Variants in MSRB3 observed in about 807,000 individuals in gnomAD.
MSRB3 encodes methionine sulfoxide reductase B3, also known as methionine-R-sulfoxide reductase B3.
Under a neutral mutation model 21.0 loss-of-function variants are expected in MSRB3, and 13 were observed. That is an observed-to-expected ratio of 0.62 (90% confidence interval 0.40 to 0.98). The LOEUF (loss-of-function observed/expected upper bound fraction) is 0.98. MSRB3 is among the 50% of genes least tolerant of loss of function. MSRB3 has a pLI of 0.00. For missense variants in MSRB3, 199 were observed against 230.3 expected (o/e 0.86, Z 0.88); for synonymous variants, 87 against 88.6 (o/e 0.98, Z 0.10).
At chr12:65,457,379 T>C (rs1479308505) in intron 6 of MSRB3, among the ~76,000 whole-genome samples, 1 of 151,988 alleles carries the variant, frequency 6.6e-6, no homozygotes, top group Admixed American at 6.6e-5. Context: ...TAGCCCCCAA[T>C]CACCTGACAG....
intron 5 of MSRB3, among the ~76,000 whole-genome samples, chr12:65,420,441 A>T (rs1325842510): frequency 6.6e-6 from 1 of 151,564 alleles, no homozygotes; most frequent in Non-Finnish European, 1.5e-5. Flanking sequence ...TGTCACTGGA[A>T]TTGTTAAAAA....
rs1230092504 is a variant in MSRB3, at chr12:65,280,517, C to A, written c.-52+1652C>A. 2.0e-5 allele frequency among the ~76,000 whole-genome samples: 3 copies of A among 152,150 alleles called. No individual in the cohort carries two copies. In the East Asian group the frequency reaches 5.8e-4, roughly 29 times the overall value. On this transcript the variant is annotated intron_variant, in intron 1 of 6. Transcript: ENST00000308259. Reference sequence around the variant, plus strand: ...GAAGACCAGAATCCACTGTACTGGCCCCTTGCCAGTAATTTTGAACATCAA... The same window carrying A: ...GAAGACCAGAATCCACTGTACTGGCACCTTGCCAGTAATTTTGAACATCAA...
chr12:65,349,582 C>T (rs1345119681), intron 4 of MSRB3, among the ~76,000 whole-genome samples: 1 of 147,364 alleles, frequency 6.8e-6, no homozygotes, highest in African/African-American at 2.7e-5. Context: ...TGTTTCCTGA[C>T]TTTTTAATGA....
At position 65,353,354 on chromosome 12, in the gene MSRB3, G is replaced by C. The variant is rs564199275; in HGVS notation, c.264-15644G>C. 8.0e-3 allele frequency among the ~76,000 whole-genome samples: 1,215 copies of C among 152,186 alleles called. 17 individuals are homozygous for C. Among genetic ancestry groups the C allele is most frequent in the African/African-American group, 0.028 (1,174 of 41,514 alleles). Reference sequence around the variant, plus strand: ...AAAGTCTCCCATTATTATTGTGTGGGAGTCTAAGTCTCTTTGTAGGTCTCT... The same window carrying C: ...AAAGTCTCCCATTATTATTGTGTGGCAGTCTAAGTCTCTTTGTAGGTCTCT... On this transcript the variant is annotated intron_variant, in intron 4 of 6. Coordinates refer to ENST00000308259, the MANE Select transcript of MSRB3 (RefSeq NM_001031679.3).
intron 5 of MSRB3, among the ~76,000 whole-genome samples, chr12:65,417,403 G>A (rs1881037477): frequency 6.6e-6 from 1 of 152,128 alleles, no homozygotes; most frequent in African/African-American, 2.4e-5. Context: ...TAATTATGGT[G>A]TACAACATGG....
In MSRB3 at chr12:65,464,938, A is replaced by G. The variant is rs922167297; in HGVS notation, c.*1616A>G. 5.9e-5 allele frequency: 9 copies of G among 152,282 alleles called. No homozygotes were observed. The highest frequency in any genetic ancestry group is 2.9e-5 in the Non-Finnish European group (2 of 68,060). 9.4% of individuals were successfully genotyped at this position (152,282 alleles called of 1,614,324 possible). A position where few individuals can be genotyped will look rare whatever the true frequency, so the allele number is the denominator to read the frequency against. ...TTTCTTCATGCATAAACTGGGACTC[A>G]TAATATTTGTAAAATGTATTGATAC... is the stretch of plus-strand genomic sequence containing the variant. On this transcript the variant is annotated 3_prime_UTR_variant, in exon 7 of 7. Coordinates refer to ENST00000308259, the MANE Select transcript of MSRB3 (RefSeq NM_001031679.3).
intron 1 of MSRB3, chr12:65,284,026 CT>C (rs1158942207): frequency 2.6e-5 from 4 of 152,136 alleles, no homozygotes; most frequent in Non-Finnish European, 5.9e-5. Context: ...AGGAAATCAG[CT>C]TTTGTTGAGC....
chr12:65,432,361 T>A (rs1227572359), intron 5 of MSRB3, among the ~76,000 whole-genome samples: 1 of 151,964 alleles, frequency 6.6e-6, no homozygotes. Context: ...GGCACAGGAC[T>A]GTTTTGTGGC....
chr12:65,382,878 A>T (rs971139239), intron 5 of MSRB3, among the ~76,000 whole-genome samples: 19 of 152,096 alleles, frequency 1.2e-4, no homozygotes, highest in African/African-American at 3.6e-4. Flanking sequence ...ACATGCATAT[A>T]TGTGTGTATA....
At chr12:65,374,313 A>G (rs1241270315) in intron 5 of MSRB3, among the ~76,000 whole-genome samples, 1 of 152,182 alleles carries the variant, frequency 6.6e-6, no homozygotes, top group Non-Finnish European at 1.5e-5. Context: ...TCATCTATTC[A>G]TTCATTCATC....
intron 5 of MSRB3, among the ~76,000 whole-genome samples, chr12:65,436,126 G>A (rs953360802): frequency 6.6e-6 from 1 of 151,674 alleles, no homozygotes; most frequent in Non-Finnish European, 1.5e-5. Context: ...ATTAAACTTA[G>A]AAGATCCATG....
chr12:65,323,976 A>G (rs903361992), intron 2 of MSRB3, among the ~76,000 whole-genome samples: 6 of 152,192 alleles, frequency 3.9e-5, no homozygotes, highest in Admixed American at 6.5e-5. Flanking sequence ...TCTAGTCTAC[A>G]TATATTTCCT....
chr12:65,460,354 T>C (rs965478709), intron 6 of MSRB3, among the ~76,000 whole-genome samples: 2 of 152,212 alleles, frequency 1.3e-5, no homozygotes, highest in African/African-American at 2.4e-5. Context: ...GGAGGAGCCT[T>C]CAAGGCTTGT....
At chr12:65,377,677 T>C (rs1032192736) in intron 5 of MSRB3, among the ~76,000 whole-genome samples, 5 of 152,240 alleles carry the variant, frequency 3.3e-5, no homozygotes, top group African/African-American at 1.2e-4. Context: ...TGTTCTTTAA[T>C]AGTAATAGAA....
At chr12:65,356,636 A>G (rs1258181049) in intron 4 of MSRB3, among the ~76,000 whole-genome samples, 5 of 151,940 alleles carry the variant, frequency 3.3e-5, no homozygotes, top group African/African-American at 7.2e-5. Context: ...AATTAGAAAG[A>G]TAGAATGTTC....
At chr12:65,350,340 G>T (rs1239414402) in intron 4 of MSRB3, among the ~76,000 whole-genome samples, 1 of 151,982 alleles carries the variant, frequency 6.6e-6, no homozygotes, top group Non-Finnish European at 1.5e-5. Flanking sequence ...AAGTCAGGTA[G>T]TGTGATGCCT....
intron 4 of MSRB3, among the ~76,000 whole-genome samples, chr12:65,354,071 T>C (rs1877224965): frequency 6.6e-6 from 1 of 152,198 alleles, no homozygotes; most frequent in South Asian, 2.1e-4. Context: ...TCTTCTGGCT[T>C]GTAGAGTTTC....
intron 1 of MSRB3, among the ~76,000 whole-genome samples, chr12:65,295,075 C>G (rs539508077): frequency 6.6e-6 from 1 of 152,300 alleles, no homozygotes; most frequent in African/African-American, 2.4e-5. Flanking sequence ...AAGTGATCCT[C>G]CTGCCGCAAC....
intron 5 of MSRB3, among the ~76,000 whole-genome samples, chr12:65,380,760 C>T (rs948721654): frequency 6.6e-6 from 1 of 152,048 alleles, no homozygotes; most frequent in African/African-American, 2.4e-5. Context: ...AATGAATAGA[C>T]CAAAGCACAG....
Sources: allele counts gnomAD v4.1 joint callset (sites outside exome capture counted in the v4.1 genomes callset), GRCh38; gene constraint gnomAD v4.1.1; transcripts MANE v1.5; gene names NCBI Gene and HGNC (gene_info 2026-07-23, HGNC 2026-07-21).